The following KIRREL3 variants were observed in gnomAD, a reference collection of about 807,000 sequenced individuals.
The protein encoded by KIRREL3 is kirre like nephrin family adhesion molecule 3, also known as kin of IRRE-like protein 3.
KIRREL3 carries 36 observed loss-of-function variants against 89.7 expected under a neutral mutation model. The observed-to-expected ratio is 0.40, with a 90% CI of 0.31 to 0.53. The LOEUF (loss-of-function observed/expected upper bound fraction) is 0.53, where lower values mean the gene tolerates loss of function less well. Ranked by LOEUF, KIRREL3 falls within the 20% of genes least tolerant of loss-of-function variation. The pLI is 0.49. For missense variants in KIRREL3, 864 were observed against 1,056.6 expected, an observed-to-expected ratio of 0.82 and a Z score of 2.53; for synonymous variants, 445 against 441.4, an observed-to-expected ratio of 1.01 and a Z score of -0.10.
chr11:126,581,824 G>A (rs1464584490), intron 1 of KIRREL3, among the ~76,000 whole-genome samples: 3 of 152,124 alleles, frequency 2.0e-5, no homozygotes, highest in Admixed American at 6.5e-5. Flanking sequence ...CCTCACACAC[G>A]AGAGGCTCTG....
At position 126,441,232 on chromosome 11, in the gene KIRREL3, G is replaced by A. The variant is rs1216474956; in HGVS notation, c.1253-683C>T. Among the ~76,000 whole-genome samples the A allele has an allele frequency of 2.0e-5, 3 of 152,182 alleles. No homozygotes were observed. The highest frequency in any genetic ancestry group is 4.4e-5 in the Non-Finnish European group (3 of 68,040). On this transcript the variant is annotated intron_variant, in intron 10 of 16. Transcript: ENST00000525144. This position sits in a 1 kb window ranked among gnomAD's most constrained non-coding sequence, Gnocchi z 5.0. ...ACCCAGACTGCCCAAGTGAGGCCAT[G>A]GCTCCCAAACTGACCCCAATATTAT...
chr11:126,644,809 T>C (rs1944601876), intron 1 of KIRREL3, among the ~76,000 whole-genome samples: 1 of 152,226 alleles, frequency 6.6e-6, no homozygotes, highest in Non-Finnish European at 1.5e-5. Flanking sequence ...AGAACATCTA[T>C]GGAACAAATA....
rs553740006 is a variant in KIRREL3 at position 126,898,064 on chromosome 11, G to A, written c.55+102391C>T. 7.9e-5 allele frequency among the ~76,000 whole-genome samples: 12 copies of A among 152,272 alleles called. No homozygotes were observed. The highest frequency in any genetic ancestry group is 2.9e-4 in the African/African-American group (12 of 41,544). On this transcript the variant is annotated intron_variant, in intron 1 of 16. Transcript: ENST00000525144. The surrounding 1 kb of genome is among the most constrained non-coding windows in gnomAD (Gnocchi z 4.9). ...GAGCTCACATGGGTTGGGAAGTTTG[G>A]ACAACTGTCTTGTAGAATCAAACAT...
chr11:126,612,855 G>A lies in KIRREL3; in HGVS notation c.56-49943C>T, dbSNP rs1943190657. 6.6e-6 allele frequency among the ~76,000 whole-genome samples: 1 copy of A among 152,202 alleles called. No individual in the cohort carries two copies. The highest frequency in any genetic ancestry group is 1.5e-5 in the Non-Finnish European group (1 of 68,048). Reference sequence around the variant, plus strand: ...TGGGTGAGTAACATTCCATGGCATAGCTATAAGCGCATTTTGTCCATTCAT... The same window carrying A: ...TGGGTGAGTAACATTCCATGGCATAACTATAAGCGCATTTTGTCCATTCAT... On this transcript the variant is annotated intron_variant, in intron 1 of 16. Coordinates refer to ENST00000525144, the MANE Select transcript of KIRREL3 (RefSeq NM_032531.4). This position sits in a 1 kb window ranked among gnomAD's most constrained non-coding sequence, Gnocchi z 4.5.
Position 126,989,663 on chromosome 11 carries a change from G to A in KIRREL3, c.55+10792C>T, listed in dbSNP as rs148934970. On this transcript the variant is annotated intron_variant, in intron 1 of 16. Coordinates refer to ENST00000525144, the MANE Select transcript of KIRREL3 (RefSeq NM_032531.4). The surrounding 1 kb of genome is among the most constrained non-coding windows in gnomAD (Gnocchi z 6.2). ...TCACAATTATCAAGTGGCAAAAAAGGTGAGCCGCCATCCCCTTGGAGGTAA... is the reference window on the plus strand; with the variant it reads ...TCACAATTATCAAGTGGCAAAAAAGATGAGCCGCCATCCCCTTGGAGGTAA... Among the ~76,000 whole-genome samples the A allele has an allele frequency of 6.6e-6, 1 of 152,144 alleles. No individual in the cohort carries two copies. The highest frequency in any genetic ancestry group is 1.5e-5 in the Non-Finnish European group (1 of 68,028).
rs540496627 is a variant in KIRREL3, at chr11:126,705,783, A to C, written c.56-142871T>G. Reference sequence around the variant, plus strand: ...CTCCTCCCAGAAAGAGGTGGAGGCTACCTCTCCTATTTTAGAACTGCCATG... The same window carrying C: ...CTCCTCCCAGAAAGAGGTGGAGGCTCCCTCTCCTATTTTAGAACTGCCATG... On this transcript the variant is annotated intron_variant, in intron 1 of 16. Coordinates refer to ENST00000525144, the MANE Select transcript of KIRREL3 (RefSeq NM_032531.4). The surrounding 1 kb of genome is among the most constrained non-coding windows in gnomAD (Gnocchi z 4.3). 4.6e-5 allele frequency among the ~76,000 whole-genome samples: 7 copies of C among 152,276 alleles called. No homozygotes were observed. Among genetic ancestry groups the C allele is most frequent in the African/African-American group, 1.7e-4 (7 of 41,552 alleles).
At chr11:126,473,957 C>T (rs1956997989) in intron 4 of KIRREL3, among the ~76,000 whole-genome samples, 1 of 113,692 alleles carries the variant, frequency 8.8e-6, no homozygotes, top group Non-Finnish European at 1.7e-5. Context: ...CCATGCCCGG[C>T]TAATTTTTTT....
At chr11:126,749,573 T>G (rs1468494747) in intron 1 of KIRREL3, among the ~76,000 whole-genome samples, 1 of 152,092 alleles carries the variant, frequency 6.6e-6, no homozygotes, top group East Asian at 1.9e-4. Flanking sequence ...ATAGGATCAT[T>G]TTTCAAGTGA....
chr11:126,506,852 TG>T (rs1201855823), intron 4 of KIRREL3, among the ~76,000 whole-genome samples: 3 of 152,114 alleles, frequency 2.0e-5, no homozygotes, highest in Admixed American at 2.0e-4. Context: ...CTTGAACTCC[TG>T]GCCTCAAGTG....
upstream of KIRREL3, chr11:127,000,855 A>C: frequency 2.4e-6 from 1 of 416,162 alleles, no homozygotes; most frequent in Non-Finnish European, 4.2e-6. This position sits in a 1 kb window ranked among gnomAD's most constrained non-coding sequence, Gnocchi z 7.1. Context: ...TGACAGAAGG[A>C]CTCCTTTCAC....
rs571717448 is a variant in KIRREL3, at chr11:126,502,128, A to G, written c.433+19187T>C. On this transcript the variant is annotated intron_variant, in intron 4 of 16. Transcript: ENST00000525144. ...CTCCGGAAGCTAACCGGATCCATCCATGTGCCTGCCCTGGCCTCCCCTTAA... is the reference window on the plus strand; with the variant it reads ...CTCCGGAAGCTAACCGGATCCATCCGTGTGCCTGCCCTGGCCTCCCCTTAA... Among the ~76,000 whole-genome samples, 4 of 152,386 alleles carry G rather than the reference A, an allele frequency of 2.6e-5. No individual in the cohort carries two copies. In the South Asian group the frequency reaches 8.3e-4, roughly 32 times the overall value.
chr11:126,907,954 CT>C (rs960755409), intron 1 of KIRREL3, among the ~76,000 whole-genome samples: 1 of 152,122 alleles, frequency 6.6e-6, no homozygotes, highest in Non-Finnish European at 1.5e-5. Context: ...TTCTTCAGAT[CT>C]TTACTCATAC....
rs1461614477 is a variant in KIRREL3 at position 126,612,134 on chromosome 11, A to G, written c.56-49222T>C. On this transcript the variant is annotated intron_variant, in intron 1 of 16. Transcript: ENST00000525144. The surrounding 1 kb of genome is among the most constrained non-coding windows in gnomAD (Gnocchi z 4.5). ...GCTGAAATATCAACTCCAAGAGGGC[A>G]AGGAGTGTGTCTATTTGTTCACTAC... is the stretch of plus-strand genomic sequence containing the variant. Among the ~76,000 whole-genome samples the G allele has an allele frequency of 1.3e-5, 2 of 152,214 alleles. No individual in the cohort carries two copies. Among genetic ancestry groups the G allele is most frequent in the Non-Finnish European group, 2.9e-5 (2 of 68,038 alleles).
chr11:126,803,327 T>C (rs1294385832), intron 1 of KIRREL3, among the ~76,000 whole-genome samples: 2 of 151,916 alleles, frequency 1.3e-5, no homozygotes, highest in African/African-American at 2.4e-5. Flanking sequence ...ATTGGAGAAG[T>C]GGCATTGGAA....
chr11:126,948,270 G>C lies in KIRREL3; in HGVS notation c.55+52185C>G, dbSNP rs1948676394. Among the ~76,000 whole-genome samples, 1 of 151,296 alleles carries C rather than the reference G, an allele frequency of 6.6e-6. No homozygotes were observed. Among genetic ancestry groups the C allele is most frequent in the Admixed American group, 6.6e-5 (1 of 15,070 alleles). On this transcript the variant is annotated intron_variant, in intron 1 of 16. Transcript: ENST00000525144. This position sits in a 1 kb window ranked among gnomAD's most constrained non-coding sequence, Gnocchi z 4.5. ...AATTGTACTTGATAATGAAAAAGTT[G>C]GTCAAATTTCAAGAATAGCATAAAA...
At chr11:126,451,209 GCA>G (rs1396430555) in intron 7 of KIRREL3, among the ~76,000 whole-genome samples, 1 of 149,424 alleles carries the variant, frequency 6.7e-6, no homozygotes. Flanking sequence ...GCATGTGTGT[GCA>G]TGTGTGGGTG....
chr11:126,451,384 A>C (rs1355030654), intron 7 of KIRREL3, among the ~76,000 whole-genome samples: 47 of 68,460 alleles, frequency 6.9e-4, no homozygotes, highest in South Asian at 1.8e-3. Context: ...GAGCGTGTGC[A>C]TGTGTGAACG....
intron 4 of KIRREL3, among the ~76,000 whole-genome samples, chr11:126,480,571 T>C (rs772931520): frequency 3.9e-5 from 6 of 152,362 alleles, no homozygotes; most frequent in Non-Finnish European, 8.8e-5. Context: ...CTGTTGGAGT[T>C]AGAGCAGCTC....
At chr11:126,741,530 G>T (rs191590101) in intron 1 of KIRREL3, among the ~76,000 whole-genome samples, 1 of 152,122 alleles carries the variant, frequency 6.6e-6, no homozygotes, top group Non-Finnish European at 1.5e-5. Flanking sequence ...CAACAAATGC[G>T]TCTTGATCTT....
Sources: allele counts gnomAD v4.1 joint callset (sites outside exome capture counted in the v4.1 genomes callset), GRCh38; gene constraint gnomAD v4.1.1; non-coding constraint Gnocchi (gnomAD v3.1); transcripts MANE v1.5; gene names NCBI Gene and HGNC (gene_info 2026-07-23, HGNC 2026-07-21).